UNC13C: variants seen among roughly 807,000 people sequenced by gnomAD.
UNC13C encodes protein unc-13 homolog C.
A neutral mutation model predicts 245.4 loss-of-function variants in UNC13C; 174 were observed. That is an observed-to-expected ratio of 0.71 (90% CI 0.63 to 0.80). The LOEUF (loss-of-function observed/expected upper bound fraction) is 0.80. Among genes scored for constraint, UNC13C ranks in the 30% least tolerant of loss-of-function variants. UNC13C has a pLI of 0.00. For missense variants in UNC13C, 2,829 were observed against 2,602.9 expected (o/e 1.09, Z -1.89); for synonymous variants, 992 against 895.1 (o/e 1.11, Z -1.93).
At chr15:54,564,709 T>C (rs550374872) in intron 29 of UNC13C, among the ~76,000 whole-genome samples, 23 of 152,082 alleles carry the variant, frequency 1.5e-4, no homozygotes, top group African/African-American at 2.6e-4. Flanking sequence ...GCCTAATAAT[T>C]TTAGCAACAA....
chr15:53,843,243 C>G, the UNC13C span, among the ~76,000 whole-genome samples: 20 of 152,168 alleles, frequency 1.3e-4, no homozygotes, highest in African/African-American at 4.3e-4. Context: ...AGTTTGAAAC[C>G]AGCCTGGGCA....
At chr15:54,058,931 T>C (rs1371028572) in intron 2 of UNC13C, among the ~76,000 whole-genome samples, 1 of 152,184 alleles carries the variant, frequency 6.6e-6, no homozygotes, top group Non-Finnish European at 1.5e-5. Context: ...CTAAAAACTC[T>C]CAATAAATTA....
In UNC13C at chr15:54,300,191, A is replaced by G. The variant is rs1164038503; in HGVS notation, c.4105-19A>G. 6.3e-7 allele frequency: 1 copy of G among 1,587,898 alleles called. No individual in the cohort carries two copies. Among genetic ancestry groups the G allele is most frequent in the Non-Finnish European group, 8.6e-7 (1 of 1,166,178 alleles). On this transcript the variant is annotated intron_variant, in intron 12 of 32. Coordinates refer to ENST00000260323, the MANE Select transcript of UNC13C (RefSeq NM_001080534.3). ...TATTCTGAGGAATCACTGAACAATT[A>G]AAAACCACTTGCTTTTAGAATCTGT...
chr15:53,971,736 C>CT, the UNC13C span, among the ~76,000 whole-genome samples: 1 of 152,004 alleles, frequency 6.6e-6, no homozygotes, highest in Non-Finnish European at 1.5e-5. Context: ...TATTATCTCC[C>CT]TTTTAATTCT....
chr15:54,294,174 A>T (rs901518360), intron 11 of UNC13C, 110 bp downstream of exon 11: 4 of 955,832 alleles, frequency 4.2e-6, no homozygotes, highest in Non-Finnish European at 5.8e-6. Context: ...TTTCCAGGAC[A>T]TTCTGTTGAA....
At chr15:54,579,006 C>A (rs1025364592) in intron 30 of UNC13C, among the ~76,000 whole-genome samples, 6 of 152,152 alleles carry the variant, frequency 3.9e-5, no homozygotes, top group Non-Finnish European at 8.8e-5. Flanking sequence ...AAGACAGGAG[C>A]AGACAGACAA....
At chr15:54,455,263 A>G (rs1414252948) in intron 19 of UNC13C, among the ~76,000 whole-genome samples, 2 of 132,094 alleles carry the variant, frequency 1.5e-5, no homozygotes, top group East Asian at 4.6e-4. Flanking sequence ...TCATTGGTAG[A>G]TGGGCATTTA....
intron 4 of UNC13C, among the ~76,000 whole-genome samples, chr15:54,221,895 A>G (rs939860109): frequency 5.3e-5 from 8 of 152,094 alleles, no homozygotes; most frequent in Admixed American, 3.9e-4. Context: ...TCCCAAAATC[A>G]GAAAGATTTT....
At chr15:54,136,762 T>C (rs986715722) in intron 2 of UNC13C, among the ~76,000 whole-genome samples, 11 of 152,202 alleles carry the variant, frequency 7.2e-5, no homozygotes, top group Non-Finnish European at 1.6e-4. Flanking sequence ...TGAAAAGATG[T>C]TGAATTTTGT....
At position 54,159,053 on chromosome 15, in the gene UNC13C, G is replaced by A. The variant is rs146270634; in HGVS notation, c.3071+15369G>A. Among the ~76,000 whole-genome samples the A allele has an allele frequency of 2.9e-4, 44 of 152,224 alleles. 1 individual carries two copies. Among genetic ancestry groups the A allele is most frequent in the African/African-American group, 1.0e-3 (43 of 41,548 alleles). ...TTTATTTTGCTATCTTTGGCAGGGG[G>A]GCCCACTTTTCATTGGAGTTAGAGC... On this transcript the variant is annotated intron_variant, in intron 4 of 32. Coordinates refer to ENST00000260323, the MANE Select transcript of UNC13C (RefSeq NM_001080534.3).
chr15:54,516,300 T>C (rs1047986600), intron 24 of UNC13C, among the ~76,000 whole-genome samples: 1 of 152,192 alleles, frequency 6.6e-6, no homozygotes, highest in Non-Finnish European at 1.5e-5. Context: ...TAATACTCCA[T>C]GCCAGTAGTT....
At chr15:54,015,952 AGCAT>A (rs2140996020) in intron 2 of UNC13C, 66 bp downstream of exon 2, 1 of 1,323,786 alleles carries the variant, frequency 7.6e-7, no homozygotes, top group East Asian at 2.5e-5. Context: ...ACTTCTTTAG[AGCAT>A]GCTCTGTGTT....
chr15:54,532,223 T>A (rs1895781179), intron 25 of UNC13C, among the ~76,000 whole-genome samples: 1 of 152,154 alleles, frequency 6.6e-6, no homozygotes, highest in Admixed American at 6.5e-5. Flanking sequence ...CCCCTCCACG[T>A]GTCCATGCGT....
chr15:54,430,812 T>C (rs544581444), intron 19 of UNC13C, among the ~76,000 whole-genome samples: 1 of 151,874 alleles, frequency 6.6e-6, no homozygotes, highest in Non-Finnish European at 1.5e-5. Flanking sequence ...CATTCAGTTA[T>C]TCCACTGGGA....
At chr15:54,292,931 G>T (rs552771578) in intron 10 of UNC13C, among the ~76,000 whole-genome samples, 2 of 147,938 alleles carry the variant, frequency 1.4e-5, no homozygotes, top group African/African-American at 2.5e-5. Context: ...TATAGAGATA[G>T]ATATCTATAT....
the UNC13C span, among the ~76,000 whole-genome samples, chr15:53,928,762 C>T: frequency 1.3e-5 from 2 of 152,208 alleles, no homozygotes; most frequent in African/African-American, 4.8e-5. Flanking sequence ...GCTGCTTTCA[C>T]AGAGTACTGG....
At chr15:54,087,923 C>A (rs1264066072) in intron 2 of UNC13C, among the ~76,000 whole-genome samples, 1 of 152,098 alleles carries the variant, frequency 6.6e-6, no homozygotes, top group Non-Finnish European at 1.5e-5. Context: ...CACTTTAAGG[C>A]AACTTTTGCT....
At chr15:53,986,265 T>C (rs1048947037) in intron 1 of UNC13C, among the ~76,000 whole-genome samples, 3 of 152,034 alleles carry the variant, frequency 2.0e-5, no homozygotes, top group Non-Finnish European at 4.4e-5. Context: ...GGGGAGGGAA[T>C]GCCAATTAGG....
At chr15:54,499,862 T>A (rs1004353676) in intron 20 of UNC13C, among the ~76,000 whole-genome samples, 6 of 152,062 alleles carry the variant, frequency 3.9e-5, no homozygotes, top group Non-Finnish European at 8.8e-5. Flanking sequence ...TGAGGCAGCA[T>A]GCGAAGAACC....
Sources: allele counts gnomAD v4.1 joint callset (sites outside exome capture counted in the v4.1 genomes callset), GRCh38; gene constraint gnomAD v4.1.1; transcripts MANE v1.5; gene names NCBI Gene and HGNC (gene_info 2026-07-23, HGNC 2026-07-21).